The following IDI1 variants were observed in gnomAD, a reference collection of about 807,000 sequenced individuals.
The protein encoded by IDI1 is isopentenyl-diphosphate delta isomerase 1.
In IDI1, 23 loss-of-function variants were observed where a neutral mutation model predicts 32.9. The observed-to-expected ratio is 0.70, with a 90% CI of 0.50 to 0.99. The LOEUF (loss-of-function observed/expected upper bound fraction) is 0.99, where lower values mean the gene tolerates loss of function less well. Among genes scored for constraint, IDI1 ranks in the 50% least tolerant of loss-of-function variants. The pLI is 0.00. For synonymous variants in IDI1, 133 were observed against 128.2 expected (o/e 1.04, Z -0.25); for missense variants, 326 against 351.9 (o/e 0.93, Z 0.59).
In IDI1 at chr10:1,040,018, A is replaced by G. The variant is rs949317412; in HGVS notation, c.*1169T>C. The G allele has an allele frequency of 2.6e-5, 4 of 152,244 alleles. No individual in the cohort carries two copies. The highest frequency in any genetic ancestry group is 9.6e-5 in the African/African-American group (4 of 41,458). 9.4% of individuals were successfully genotyped at this position (152,244 alleles called of 1,614,324 possible). On this transcript the variant is annotated 3_prime_UTR_variant, in exon 5 of 5. Transcript: ENST00000381344. ...AATGAGTCATTCTATTGAATTTAACAAACATTTAACTTTGCAAGAAATAAA... is the reference window on the plus strand; with the variant it reads ...AATGAGTCATTCTATTGAATTTAACGAACATTTAACTTTGCAAGAAATAAA...
At chr10:1,055,758 A>C in the IDI1 span, among the ~76,000 whole-genome samples, 7 of 152,062 alleles carry the variant, frequency 4.6e-5, no homozygotes, top group African/African-American at 1.7e-4. Flanking sequence ...TAGAATGCTA[A>C]ATTTGTTTCT....
At position 1,042,749 on chromosome 10, in the gene IDI1, A is replaced by G; in HGVS notation, c.420T>C (p.Asn140=). Residue 140 remains asparagine (N), a synonymous_variant, in exon 4 of 5, where the codon AAT becomes AAC. Transcript: ENST00000381344. ...TGCTTAATGGATGACTACAACACGT[A>G]TTCGTAAAACAACCTGGAAAATGGT... is the stretch of plus-strand genomic sequence containing the variant. ...AKITFPGCFT[N]TCCSHPLSNP... 6.2e-7 allele frequency: 1 copy of G among 1,613,874 alleles called. No individual in the cohort carries two copies. The highest frequency in any genetic ancestry group is 8.5e-7 in the Non-Finnish European group (1 of 1,179,834).
At chr10:1,044,940 G>A (rs1241410336) in intron 1 of IDI1, among the ~76,000 whole-genome samples, 1 of 152,236 alleles carries the variant, frequency 6.6e-6, no homozygotes, top group African/African-American at 2.4e-5. Context: ...ACAGGCAATA[G>A]GTGAACTGGG....
intron 2 of IDI1, 64 bp downstream of exon 2, chr10:1,043,935 T>C (rs1832709483): frequency 1.4e-6 from 2 of 1,409,248 alleles, no homozygotes; most frequent in Non-Finnish European, 2.0e-6. Context: ...CAGAGTGCTC[T>C]TCTCAGCAAA....
chr10:1,052,924 T>A (rs1412390223), upstream of IDI1, among the ~76,000 whole-genome samples: 1 of 152,226 alleles, frequency 6.6e-6, no homozygotes, highest in Non-Finnish European at 1.5e-5. Flanking sequence ...TCAACTCCAA[T>A]GAAAACCTAT....
At chr10:1,048,713 G>A (rs1237287739) in intron 1 of IDI1, 151 bp downstream of exon 1, 37 of 1,425,520 alleles carry the variant, frequency 2.6e-5, no homozygotes, top group Non-Finnish European at 3.2e-5. Flanking sequence ...CTCCAGTTCG[G>A]GAGACCAACG....
chr10:1,053,825 G>C (rs1214035416), upstream of IDI1, among the ~76,000 whole-genome samples: 1 of 151,678 alleles, frequency 6.6e-6, no homozygotes, highest in Non-Finnish European at 1.5e-5. Context: ...GAACTCCTAG[G>C]CTCAAGCAAT....
At position 1,048,918 on chromosome 10, in the gene IDI1, G is replaced by A; in HGVS notation, c.86C>T (p.Ala29Val). The change falls in exon 1 of 5, where the codon GCT (alanine) becomes GTT (valine). Residue 29 changes from alanine to valine, a missense_variant. Physicochemically the swap from Ala to Val is moderately conservative, Grantham distance 64. Transcript: ENST00000381344. ...CGGTCCCGGATGGCGCCCGCTTTGA[G>A]CACAGTCTGCGGCGCGCACCGCCCA... ...GQWAVRAADC[A>V]QSGRHPGPAV... 6.2e-7 allele frequency: 1 copy of A among 1,602,272 alleles called. No homozygotes were observed. Among genetic ancestry groups the A allele is most frequent in the Non-Finnish European group, 8.5e-7 (1 of 1,176,414 alleles).
the IDI1 span, among the ~76,000 whole-genome samples, chr10:1,054,558 T>C: frequency 6.6e-6 from 1 of 152,180 alleles, no homozygotes; most frequent in Non-Finnish European, 1.5e-5. Context: ...AAAATAGAAA[T>C]TGGTTTTCTG....
At chr10:1,044,404 A>G (rs1201995220) in intron 1 of IDI1, among the ~76,000 whole-genome samples, 1 of 152,156 alleles carries the variant, frequency 6.6e-6, no homozygotes, top group Non-Finnish European at 1.5e-5. Context: ...GCCAAGCTCA[A>G]CGTTCCGCTC....
intron 3 of IDI1, 93 bp downstream of exon 3, chr10:1,043,208 A>C: frequency 1.3e-6 from 1 of 779,802 alleles, no homozygotes; most frequent in Non-Finnish European, 2.2e-6. Context: ...CATTCACAGG[A>C]TTTCCCTTTG....
intron 1 of IDI1, 178 bp downstream of exon 1, chr10:1,048,686 G>A: frequency 2.1e-6 from 3 of 1,413,690 alleles, no homozygotes; most frequent in Non-Finnish European, 1.8e-6. Flanking sequence ...ACCACAGCCC[G>A]GGAAGGCCCG....
intron 4 of IDI1, 67 bp from the exon 5 acceptor site, chr10:1,041,571 G>T: frequency 1.2e-6 from 1 of 852,438 alleles, no homozygotes; most frequent in Non-Finnish European, 1.8e-6. Context: ...TCTAAAATTA[G>T]CTCACTGTAT....
At chr10:1,049,393 C>T (rs920078278), upstream of IDI1, 14 of 219,082 alleles carry the variant, frequency 6.4e-5, no homozygotes, top group South Asian at 1.9e-4. Flanking sequence ...ATGGGAGCGA[C>T]CTCCGCATGG....
the IDI1 span, among the ~76,000 whole-genome samples, chr10:1,054,664 T>C: frequency 3.9e-5 from 6 of 152,256 alleles, no homozygotes; most frequent in Admixed American, 3.3e-4. Context: ...GTTTTGTGTC[T>C]TTTAAAAAAA....
intron 1 of IDI1, among the ~76,000 whole-genome samples, chr10:1,045,594 G>A (rs1832777539): frequency 6.6e-6 from 1 of 152,306 alleles, no homozygotes; most frequent in Middle Eastern, 3.4e-3. Flanking sequence ...GACCTCCCAA[G>A]TAGCTGGGAC....
rs1832581838 is a variant in IDI1 at position 1,041,447 on chromosome 10, C to T, written c.595G>A (p.Gly199Ser). 6.2e-7 allele frequency: 1 copy of T among 1,609,898 alleles called. No homozygotes were observed. The highest frequency in any genetic ancestry group is 1.3e-5 in the African/African-American group (1 of 74,804). Residue 199 changes from glycine (G) to serine (S), a missense_variant, in exon 5 of 5, where the codon GGT becomes AGT. By Grantham distance (56) the Gly-to-Ser change is moderately conservative. Transcript: ENST00000381344. ...TRIHYKAQSD[G>S]IWGEHEIDYI... The stretch of plus-strand genomic sequence containing the variant: ...TCAATTTCATGTTCACCCCAGATAC[C>T]ATCAGACTGAGCTTTGTAGTGAATT...
At chr10:1,056,501 G>C in the IDI1 span, 1 of 152,130 alleles carries the variant, frequency 6.6e-6, no homozygotes, top group Non-Finnish European at 1.5e-5. Context: ...CCGCGCCCCG[G>C]GCTCGCAGCC....
chr10:1,052,822 G>A (rs966793220), upstream of IDI1, among the ~76,000 whole-genome samples: 1 of 152,158 alleles, frequency 6.6e-6, no homozygotes, highest in Non-Finnish European at 1.5e-5. Flanking sequence ...GCAAGGGTCA[G>A]CCTGTCCTTT....
Sources: allele counts gnomAD v4.1 joint callset (sites outside exome capture counted in the v4.1 genomes callset), GRCh38; gene constraint gnomAD v4.1.1; transcripts MANE v1.5; gene names NCBI Gene and HGNC (gene_info 2026-07-23, HGNC 2026-07-21).